The following SH3YL1 variants were observed in gnomAD, a reference collection of about 807,000 sequenced individuals.
The protein encoded by SH3YL1 is SH3 and SYLF domain containing 1, also known as SH3 domain-containing YSC84-like protein 1.
A neutral mutation model predicts 45.8 loss-of-function variants in SH3YL1; 41 were observed. That is an observed-to-expected ratio of 0.89 (90% CI 0.70 to 1.16). The LOEUF (loss-of-function observed/expected upper bound fraction) is 1.16, where lower values mean the gene tolerates loss of function less well. SH3YL1 is among the 50% of genes most tolerant of loss of function. The pLI is 0.00. For missense variants in SH3YL1, 389 were observed against 409.6 expected (o/e 0.95, Z 0.43); for synonymous variants, 152 against 151.4 (o/e 1.00, Z -0.03).
chr2:264,106 C>A (rs920733481), upstream of SH3YL1: 13 of 1,282,740 alleles, frequency 1.0e-5, no homozygotes, highest in Admixed American at 3.9e-5. Flanking sequence ...ACGAAGGAGG[C>A]GGCGCAAAAC....
chr2:237,705 A>G (rs1668365826), intron 4 of SH3YL1, among the ~76,000 whole-genome samples: 1 of 152,190 alleles, frequency 6.6e-6, no homozygotes. Context: ...CAGCCTAAAG[A>G]AATGACAAAT....
chr2:245,347 C>T (rs999900491), intron 4 of SH3YL1, among the ~76,000 whole-genome samples: 9 of 152,216 alleles, frequency 5.9e-5, no homozygotes, highest in South Asian at 4.1e-4. Flanking sequence ...AAATGAAATT[C>T]CATAGTTAAT....
At position 243,982 on chromosome 2, in the gene SH3YL1, T is replaced by C. The variant is rs553163624; in HGVS notation, c.291+3556A>G. Among the ~76,000 whole-genome samples, 10 of 152,280 alleles carry C rather than the reference T, an allele frequency of 6.6e-5. 1 individual carries two copies. The highest frequency in any genetic ancestry group is 4.6e-4 in the Admixed American group (7 of 15,290). The stretch of plus-strand genomic sequence containing the variant: ...TTCCTGAACCTTTCTTTTTTCCCTA[T>C]TGAGGGATGTGCAGACAAGACAGAC... On this transcript the variant is annotated intron_variant, in intron 4 of 9. Coordinates refer to ENST00000356150, the MANE Select transcript of SH3YL1 (RefSeq NM_015677.4).
In SH3YL1 at chr2:233,182, G is replaced by A. The variant is rs143830339; in HGVS notation, c.452C>T (p.Thr151Met). The change falls in exon 6 of 10, where the codon ACG becomes ATG. Residue 151 changes from threonine (T) to methionine (M), a missense_variant. Transcript: ENST00000356150. ...AAAGAGTCCCCTTGACTTGCAGTAC[G>A]TGAAGACGGCAGCGGAGCTTCTCAG... Reference protein sequence around the residue: ...VALRSSAAVFTYCKSRGLFAG... With the variant: ...VALRSSAAVFMYCKSRGLFAG... The A allele has an allele frequency of 7.1e-5, 113 of 1,594,274 alleles. 1 individual carries two copies. The African/African-American group carries it at 1.0e-3, about 15-fold the overall frequency.
chr2:249,242 C>T (rs1001820009), intron 3 of SH3YL1, among the ~76,000 whole-genome samples: 1 of 152,122 alleles, frequency 6.6e-6, no homozygotes, highest in African/African-American at 2.4e-5. Context: ...AAGTAAAACT[C>T]GATGATACTG....
At chr2:219,183 T>C (rs565966514) in intron 9 of SH3YL1, among the ~76,000 whole-genome samples, 182 bp from the exon 10 acceptor site, 1 of 152,352 alleles carries the variant, frequency 6.6e-6, no homozygotes, top group Admixed American at 6.5e-5. Context: ...CTGCACATTC[T>C]ATACCTAAGG....
At chr2:227,420 T>C (rs932725300) in intron 8 of SH3YL1, among the ~76,000 whole-genome samples, 4 of 152,116 alleles carry the variant, frequency 2.6e-5, no homozygotes, top group African/African-American at 9.7e-5. Flanking sequence ...ATAAAGTTAA[T>C]ATACATCAAT....
intron 8 of SH3YL1, 127 bp from the exon 9 acceptor site, chr2:225,047 A>T: frequency 1.4e-6 from 1 of 732,488 alleles, no homozygotes; most frequent in Non-Finnish European, 2.4e-6. Context: ...TAGGATCATC[A>T]TCATTTGATT....
At chr2:226,779 TATATGGTGGGGAGTGTAC>T (rs1173516967) in intron 8 of SH3YL1, among the ~76,000 whole-genome samples, 1 of 150,374 alleles carries the variant, frequency 6.7e-6, no homozygotes, top group Admixed American at 6.6e-5. Context: ...GGGGAGTGTA[TATATGGTGGGGAGTGTAC>T]ATATACTGGG....
chr2:254,234 G>A (rs1377026665), intron 1 of SH3YL1, among the ~76,000 whole-genome samples: 1 of 152,150 alleles, frequency 6.6e-6, no homozygotes, highest in Non-Finnish European at 1.5e-5. Context: ...AGTAACGCCG[G>A]CCTGCATTTC....
At chr2:248,381 G>T (rs1249503099) in intron 3 of SH3YL1, among the ~76,000 whole-genome samples, 1 of 151,980 alleles carries the variant, frequency 6.6e-6, no homozygotes, top group Non-Finnish European at 1.5e-5. Context: ...ATCCTACCCA[G>T]GCTTAGAGAA....
chr2:227,475 T>C (rs571443356), intron 8 of SH3YL1, among the ~76,000 whole-genome samples: 18 of 152,256 alleles, frequency 1.2e-4, no homozygotes, highest in Admixed American at 2.0e-4. Context: ...CCATGGATAC[T>C]GAATAATTAT....
At chr2:254,515 T>C (rs964309918) in intron 1 of SH3YL1, among the ~76,000 whole-genome samples, 1 of 152,124 alleles carries the variant, frequency 6.6e-6, no homozygotes, top group Non-Finnish European at 1.5e-5. Context: ...ATCTGGAAGG[T>C]TGAAGGCATT....
At chr2:242,816 A>G in intron 4 of SH3YL1, 1 of 1,534,230 alleles carries the variant, frequency 6.5e-7, no homozygotes. Context: ...TGACAGTAAA[A>G]GGATGGAGAA....
intron 2 of SH3YL1, among the ~76,000 whole-genome samples, chr2:250,804 C>G (rs1401543575): frequency 6.6e-6 from 1 of 152,130 alleles, no homozygotes; most frequent in African/African-American, 2.4e-5. Context: ...CATCCAACAC[C>G]ATGAAGTTTG....
chr2:227,533 G>A (rs1330765045), intron 8 of SH3YL1, among the ~76,000 whole-genome samples: 1 of 152,016 alleles, frequency 6.6e-6, no homozygotes, highest in African/African-American at 2.4e-5. Context: ...GGATTTCTAC[G>A]CGGAGTTGTT....
intron 4 of SH3YL1, among the ~76,000 whole-genome samples, chr2:247,098 GTTC>G (rs939476253): frequency 1.3e-5 from 2 of 152,222 alleles, no homozygotes; most frequent in Non-Finnish European, 2.9e-5. Flanking sequence ...ATAACGTGAA[GTTC>G]TTCTTTACTT....
At chr2:249,212 G>A (rs1202185412) in intron 3 of SH3YL1, among the ~76,000 whole-genome samples, 1 of 152,156 alleles carries the variant, frequency 6.6e-6, no homozygotes, top group Non-Finnish European at 1.5e-5. Flanking sequence ...AAAGAATCAA[G>A]TAGTAGATTT....
chr2:248,995 TTGTC>T (rs1668956634), intron 3 of SH3YL1, among the ~76,000 whole-genome samples: 1 of 152,208 alleles, frequency 6.6e-6, no homozygotes, highest in Admixed American at 6.5e-5. Context: ...TGTATATTTA[TTGTC>T]TGTAAGTGTC....
Sources: gnomAD v4.1 joint callset for allele counts (sites outside exome capture counted in the v4.1 genomes callset) on GRCh38, gnomAD v4.1.1 for gene constraint, MANE v1.5 for transcripts, NCBI Gene and HGNC (gene_info 2026-07-23, HGNC 2026-07-21) for gene names.